Variants in STPG2 observed in about 807,000 individuals in gnomAD.
The protein encoded by STPG2 is sperm tail PG-rich repeat containing 2, also known as sperm-tail PG-rich repeat-containing protein 2.
In STPG2, 56 loss-of-function variants were observed where a neutral mutation model predicts 54.2. The observed-to-expected ratio is 1.03, with a 90% confidence interval of 0.83 to 1.29. The LOEUF is 1.29. Among genes scored for constraint, STPG2 ranks in the 50% most tolerant of loss-of-function variants. The probability of loss-of-function intolerance (pLI) is 0.00; values close to 1 mark genes in which losing one functional copy is unlikely to be tolerated. For missense variants in STPG2, 596 were observed against 544.9 expected (o/e 1.09, Z -0.93); for synonymous variants, 200 against 181.8 (o/e 1.10, Z -0.81).
At chr4:97,768,264 A>C (rs1726120363) in intron 9 of STPG2, among the ~76,000 whole-genome samples, 1 of 152,248 alleles carries the variant, frequency 6.6e-6, no homozygotes, top group Admixed American at 6.5e-5. Flanking sequence ...GCAAAGACTT[A>C]AAATGGGTGG....
chr4:97,940,024 T>C (rs1022830309), intron 8 of STPG2, among the ~76,000 whole-genome samples: 1 of 152,194 alleles, frequency 6.6e-6, no homozygotes, highest in Non-Finnish European at 1.5e-5. Context: ...AACATCTACC[T>C]ATCTGAAAAG....
intron 5 of STPG2, among the ~76,000 whole-genome samples, chr4:98,035,141 G>T (rs185209027): frequency 3.9e-5 from 6 of 151,948 alleles, no homozygotes; most frequent in Non-Finnish European, 1.5e-5. Flanking sequence ...AAAAAGAAAC[G>T]ATCATCAGAG....
intron 7 of STPG2, among the ~76,000 whole-genome samples, chr4:97,964,836 C>T (rs1426083222): frequency 6.6e-6 from 1 of 152,150 alleles, no homozygotes; most frequent in Admixed American, 6.6e-5. Context: ...CAGTTTTCAC[C>T]TATTGGTCTT....
intron 3 of STPG2, among the ~76,000 whole-genome samples, chr4:98,116,295 A>C (rs1739525202): frequency 6.6e-6 from 1 of 151,936 alleles, no homozygotes; most frequent in Admixed American, 6.6e-5. Flanking sequence ...TTTGAGATGT[A>C]AGTTATGAGT....
chr4:97,957,145 C>T (rs7658316), intron 7 of STPG2, among the ~76,000 whole-genome samples: 45,698 of 130,750 alleles, frequency 0.35, 8,139 homozygotes, highest in Middle Eastern at 0.4. Flanking sequence ...ATGAAATATA[C>T]ATGTGAAATA....
At chr4:97,443,369 G>A (rs571735467) in intron 4 of STPG2, among the ~76,000 whole-genome samples, 1 of 152,092 alleles carries the variant, frequency 6.6e-6, no homozygotes, top group East Asian at 1.9e-4. Flanking sequence ...GAAGAATAAG[G>A]GAATTCTGGC....
intron 10 of STPG2, among the ~76,000 whole-genome samples, chr4:97,571,941 A>C (rs1300497816): frequency 6.6e-6 from 1 of 152,142 alleles, no homozygotes; most frequent in African/African-American, 2.4e-5. Flanking sequence ...GTAACTATCC[A>C]AGGTATATAT....
chr4:97,979,390 T>C (rs1429519150), intron 6 of STPG2, among the ~76,000 whole-genome samples: 2 of 152,198 alleles, frequency 1.3e-5, no homozygotes, highest in African/African-American at 4.8e-5. Context: ...TCAGAATTGC[T>C]ATGGTACTGT....
At chr4:98,060,787 T>C (rs1737627985) in intron 5 of STPG2, among the ~76,000 whole-genome samples, 1 of 152,098 alleles carries the variant, frequency 6.6e-6, no homozygotes, top group African/African-American at 2.4e-5. Context: ...CCTGATCTTC[T>C]GCAAAGCTGA....
intron 8 of STPG2, among the ~76,000 whole-genome samples, chr4:97,865,642 A>G (rs1729741766): frequency 1.3e-5 from 2 of 151,870 alleles, no homozygotes; most frequent in African/African-American, 4.8e-5. Context: ...ATAGGTGGGA[A>G]TTGAACAATG....
chr4:98,097,894 C>T (rs920301112), intron 5 of STPG2, among the ~76,000 whole-genome samples: 1 of 151,982 alleles, frequency 6.6e-6, no homozygotes, highest in Non-Finnish European at 1.5e-5. Flanking sequence ...AAATTGAATA[C>T]CTAGGAATTA....
At chr4:97,615,126 G>A (rs541014871) in intron 10 of STPG2, among the ~76,000 whole-genome samples, 67 of 152,120 alleles carry the variant, frequency 4.4e-4, no homozygotes, top group African/African-American at 1.5e-3. Flanking sequence ...CTCAAGCATC[G>A]CCATAAATGT....
intron 10 of STPG2, among the ~76,000 whole-genome samples, chr4:97,675,940 TATATATA>T (rs1258366964): frequency 2.9e-4 from 43 of 146,504 alleles, no homozygotes; most frequent in African/African-American, 1.0e-3. Flanking sequence ...GTATATGCTA[TATATATA>T]GTATATATAG....
At chr4:97,537,807 C>T (rs1731574536) in intron 4 of STPG2, among the ~76,000 whole-genome samples, 1 of 152,156 alleles carries the variant, frequency 6.6e-6, no homozygotes, top group Non-Finnish European at 1.5e-5. Context: ...TAGGGGCAGA[C>T]TGACACCTCA....
intron 8 of STPG2, among the ~76,000 whole-genome samples, chr4:97,878,327 C>T (rs1204353225): frequency 1.3e-5 from 2 of 152,216 alleles, no homozygotes; most frequent in African/African-American, 4.8e-5. Flanking sequence ...TGTGCGGGGA[C>T]TCACACCCCA....
intron 9 of STPG2, among the ~76,000 whole-genome samples, chr4:97,830,588 TAAAG>T (rs1471418524): frequency 6.6e-6 from 1 of 152,074 alleles, no homozygotes; most frequent in East Asian, 1.9e-4. Context: ...GAAAAATGGA[TAAAG>T]AGTCAAGACC....
rs138391723 is a variant in STPG2 at position 97,880,094 on chromosome 4, T to C, written c.1045-39162A>G. ...ATGGATAAGGAAAATGGGATACATA[T>C]GCAGAATACAATACCGTACAGCCTT... On this transcript the variant is annotated intron_variant, in intron 8 of 10. Transcript: ENST00000295268. 5.9e-4 allele frequency among the ~76,000 whole-genome samples: 90 copies of C among 152,252 alleles called. No homozygotes were observed. The East Asian group carries it at 6.9e-3, about 12-fold the overall frequency.
intron 10 of STPG2, among the ~76,000 whole-genome samples, chr4:97,628,742 T>G (rs1721135862): frequency 6.6e-6 from 1 of 152,062 alleles, no homozygotes; most frequent in Admixed American, 6.6e-5. Flanking sequence ...ATAAAACCCC[T>G]CAGTCAACCA....
intron 6 of STPG2, among the ~76,000 whole-genome samples, chr4:97,975,650 C>T (rs117605010): frequency 6.6e-6 from 1 of 152,222 alleles, no homozygotes; most frequent in East Asian, 1.9e-4. Context: ...ATATGATATA[C>T]TTAAAGAACA....
Sources: gnomAD v4.1 joint callset for allele counts (sites outside exome capture counted in the v4.1 genomes callset) on GRCh38, gnomAD v4.1.1 for gene constraint, MANE v1.5 for transcripts, NCBI Gene and HGNC (gene_info 2026-07-23, HGNC 2026-07-21) for gene names.